Variants in HGD observed in about 807,000 individuals in gnomAD.
The protein encoded by HGD is homogentisate oxidase.
In HGD, 61 loss-of-function variants were observed where a neutral mutation model predicts 60.8. The observed-to-expected ratio is 1.00, with a 90% CI of 0.82 to 1.24. HGD has a LOEUF of 1.24. Among genes scored for constraint, HGD ranks in the 50% most tolerant of loss-of-function variants. The pLI, the probability that HGD is intolerant of heterozygous loss-of-function variation, is 0.00. For missense variants in HGD, 542 were observed against 547.1 expected (o/e 0.99, Z 0.09); for synonymous variants, 212 against 187.7 (o/e 1.13, Z -1.06).
intron 4 of HGD, 152 bp downstream of exon 4, chr3:120,670,275 A>C: frequency 1.5e-6 from 1 of 674,048 alleles, no homozygotes; most frequent in Non-Finnish European, 2.7e-6. Context: ...ACACCACCCA[A>C]GTTTGAGCAG....
intron 1 of HGD, among the ~76,000 whole-genome samples, chr3:120,679,297 C>T (rs1010922380): frequency 2.0e-5 from 3 of 152,150 alleles, no homozygotes; most frequent in Non-Finnish European, 4.4e-5. Flanking sequence ...CTCACTTCCT[C>T]TTACTGGGCA....
chr3:120,678,618 G>C (rs1421711638), intron 1 of HGD, among the ~76,000 whole-genome samples: 1 of 152,222 alleles, frequency 6.6e-6, no homozygotes, highest in African/African-American at 2.4e-5. Flanking sequence ...AACAGCTGAT[G>C]GTTTGGAAGG....
chr3:120,634,663 G>A (rs566274517), intron 12 of HGD, among the ~76,000 whole-genome samples: 2 of 152,286 alleles, frequency 1.3e-5, no homozygotes, highest in Admixed American at 1.3e-4. Context: ...GCAAACCAAG[G>A]ACAGAATAGA....
chr3:120,642,333 G>A (rs1405753744), intron 10 of HGD, among the ~76,000 whole-genome samples: 2 of 152,216 alleles, frequency 1.3e-5, no homozygotes, highest in African/African-American at 4.8e-5. Flanking sequence ...TCATAGAGGC[G>A]TGGTTAGGGT....
chr3:120,659,141 CT>C (rs1173561815), intron 4 of HGD, among the ~76,000 whole-genome samples: 2 of 152,222 alleles, frequency 1.3e-5, no homozygotes, highest in African/African-American at 4.8e-5. Flanking sequence ...AATTCTTCTC[CT>C]GAAAATGGGC....
intron 13 of HGD, among the ~76,000 whole-genome samples, chr3:120,629,166 C>T (rs1940506750): frequency 6.6e-6 from 1 of 152,176 alleles, no homozygotes; most frequent in African/African-American, 2.4e-5. Flanking sequence ...GTTGCACTGT[C>T]AGGAGGTTTT....
chr3:120,677,378 C>A (rs1022340063), intron 1 of HGD, among the ~76,000 whole-genome samples: 1 of 152,056 alleles, frequency 6.6e-6, no homozygotes, highest in Non-Finnish European at 1.5e-5. Context: ...AAAGAGAATA[C>A]GAGCCAGGAG....
chr3:120,664,152 C>A (rs1419332736), intron 4 of HGD, among the ~76,000 whole-genome samples: 1 of 151,990 alleles, frequency 6.6e-6, no homozygotes, highest in African/African-American at 2.4e-5. Flanking sequence ...GTGCAGGTAT[C>A]ATTTTCTAGA....
At chr3:120,649,449 G>A (rs1465645958) in intron 6 of HGD, among the ~76,000 whole-genome samples, 1 of 151,958 alleles carries the variant, frequency 6.6e-6, no homozygotes, top group Non-Finnish European at 1.5e-5. Flanking sequence ...GGCCTCCGTT[G>A]TCTTTTTCTA....
intron 6 of HGD, among the ~76,000 whole-genome samples, chr3:120,649,577 G>C (rs1431313253): frequency 1.3e-5 from 2 of 152,122 alleles, no homozygotes; most frequent in African/African-American, 4.8e-5. Context: ...TGGCTTGCCT[G>C]CGCATTCGTG....
At chr3:120,646,647 T>C (rs1941173647) in intron 8 of HGD, among the ~76,000 whole-genome samples, 1 of 150,866 alleles carries the variant, frequency 6.6e-6, no homozygotes, top group Admixed American at 6.7e-5. Context: ...AAGCCTGATT[T>C]AGCCACACTA....
At chr3:120,629,042 G>A (rs1940503122) in intron 13 of HGD, among the ~76,000 whole-genome samples, 1 of 152,206 alleles carries the variant, frequency 6.6e-6, no homozygotes, top group Non-Finnish European at 1.5e-5. Flanking sequence ...CTGACCAAGA[G>A]ATGGGCTGGG....
intron 3 of HGD, chr3:120,674,649 G>A (rs1708088126): frequency 4.6e-6 from 2 of 434,200 alleles, no homozygotes; most frequent in Non-Finnish European, 8.7e-6. Flanking sequence ...GAATATAGGA[G>A]GTAATTTGTA....
intron 4 of HGD, among the ~76,000 whole-genome samples, chr3:120,653,057 C>T (rs1376029508): frequency 1.3e-5 from 2 of 152,180 alleles, no homozygotes; most frequent in African/African-American, 4.8e-5. Context: ...ATGCCAGCCT[C>T]CCTGTGTGGG....
At chr3:120,675,152 C>A (rs139070108) in intron 2 of HGD, among the ~76,000 whole-genome samples, 163 bp from the exon 3 acceptor site, 1 of 152,098 alleles carries the variant, frequency 6.6e-6, no homozygotes, top group South Asian at 2.1e-4. Flanking sequence ...ACTTGCCCCC[C>A]GATTATAAAA....
intron 12 of HGD, among the ~76,000 whole-genome samples, chr3:120,637,245 C>G (rs1167697872): frequency 6.9e-6 from 1 of 145,858 alleles, no homozygotes; most frequent in African/African-American, 2.5e-5. Flanking sequence ...TGACTCTACA[C>G]TTAACTTGCT....
chr3:120,641,934 A>G, intron 10 of HGD: 1 of 523,972 alleles, frequency 1.9e-6, no homozygotes, highest in South Asian at 2.0e-5. Context: ...CTGATCACAC[A>G]TGCAGCAGAA....
At chr3:120,630,829 C>T (rs368863348) in intron 13 of HGD, among the ~76,000 whole-genome samples, 872 of 60,590 alleles carry the variant, frequency 0.014, 4 homozygotes, top group African/African-American at 0.019. Context: ...TATATATACA[C>T]ATACACACAC....
chr3:120,637,994 C>T lies in HGD; in HGVS notation c.1006+461G>A, dbSNP rs370099815. On this transcript the variant is annotated intron_variant, in intron 12 of 13. Transcript: ENST00000283871. ...CATAAATGGCTTGGTGCCATCATGA[C>T]GGTTATGAGTGAGTTCTCACTCTAT... 1.9e-3 allele frequency among the ~76,000 whole-genome samples: 290 copies of T among 152,208 alleles called. 1 individual carries two copies. Among genetic ancestry groups the T allele is most frequent in the African/African-American group, 5.6e-3 (232 of 41,540 alleles).
Sources: gnomAD v4.1 joint callset for allele counts (sites outside exome capture counted in the v4.1 genomes callset) on GRCh38, gnomAD v4.1.1 for gene constraint, MANE v1.5 for transcripts, NCBI Gene and HGNC (gene_info 2026-07-23, HGNC 2026-07-21) for gene names.